CNBD1: variants seen among roughly 807,000 people sequenced by gnomAD.
CNBD1 encodes cyclic nucleotide binding domain containing 1, also known as cyclic nucleotide-binding domain-containing protein 1.
CNBD1 carries 71 observed loss-of-function variants against 54.4 expected under a neutral mutation model. The ratio of observed to expected loss-of-function variants is 1.30; its 90% CI spans 1.08 to 1.59. CNBD1 has a LOEUF of 1.59. Ranked by LOEUF, CNBD1 falls within the 40% of genes most tolerant of loss-of-function variation. The pLI, the probability that CNBD1 is intolerant of heterozygous loss-of-function variation, is 0.00. For synonymous variants in CNBD1, 182 were observed against 170.7 expected, an observed-to-expected ratio of 1.07 and a Z score of -0.51; for missense variants, 659 against 518.0, an observed-to-expected ratio of 1.27 and a Z score of -2.64.
At chr8:87,302,302 G>A (rs983333640) in intron 8 of CNBD1, among the ~76,000 whole-genome samples, 36 of 152,188 alleles carry the variant, frequency 2.4e-4, no homozygotes, top group African/African-American at 8.2e-4. Flanking sequence ...GATCAAGTGG[G>A]CTTCATCGCT....
Position 87,327,347 on chromosome 8 carries a change from C to G in CNBD1, c.1043-24338C>G, listed in dbSNP as rs13274733. On this transcript the variant is annotated intron_variant, in intron 8 of 10. Transcript: ENST00000518476. ...TGGGCTCCACCCAGTTCGAGCTTCCCGGCTGCTTTGTTTACCTAAGCAAGC... is the reference window on the plus strand; with the variant it reads ...TGGGCTCCACCCAGTTCGAGCTTCCGGGCTGCTTTGTTTACCTAAGCAAGC... Among the ~76,000 whole-genome samples the G allele has an allele frequency of 3.7e-3, 533 of 145,780 alleles. 3 individuals are homozygous for G. The highest frequency in any genetic ancestry group is 0.012 in the African/African-American group (477 of 39,244).
At chr8:86,930,521 A>G (rs1463778555) in intron 3 of CNBD1, among the ~76,000 whole-genome samples, 1 of 152,132 alleles carries the variant, frequency 6.6e-6, no homozygotes, top group Non-Finnish European at 1.5e-5. Context: ...CTGTCCACAT[A>G]AGTTGGGACA....
In CNBD1 at chr8:86,879,076, T is replaced by C. The variant is rs533571128; in HGVS notation, c.89-8466T>C. 2.0e-5 allele frequency among the ~76,000 whole-genome samples: 3 copies of C among 152,330 alleles called. No individual in the cohort carries two copies. The South Asian group carries it at 6.2e-4, about 32-fold the overall frequency. On this transcript the variant is annotated intron_variant, in intron 1 of 10. Transcript: ENST00000518476. ...CAGGGTGTTTTTAGATTTTTGAAAG[T>C]ATTCCTTTAATAACATTTTTACTTC...
intron 1 of CNBD1, among the ~76,000 whole-genome samples, chr8:86,873,897 A>G (rs1264736796): frequency 6.6e-6 from 1 of 152,160 alleles, no homozygotes; most frequent in Non-Finnish European, 1.5e-5. Flanking sequence ...TCATCCCCAT[A>G]TTTCAGTGTG....
At chr8:86,979,849 G>A (rs890143079) in intron 4 of CNBD1, among the ~76,000 whole-genome samples, 4 of 152,112 alleles carry the variant, frequency 2.6e-5, no homozygotes, top group Admixed American at 1.3e-4. Flanking sequence ...GTTTTATGAA[G>A]AAATGATGAT....
intron 10 of CNBD1, among the ~76,000 whole-genome samples, chr8:87,358,536 T>A (rs1229724313): frequency 6.6e-6 from 1 of 151,710 alleles, no homozygotes; most frequent in Non-Finnish European, 1.5e-5. Flanking sequence ...TAAAACAACA[T>A]TTCACACGTT....
intron 8 of CNBD1, among the ~76,000 whole-genome samples, chr8:87,318,509 C>A (rs562587494): frequency 6.6e-6 from 1 of 152,094 alleles, no homozygotes; most frequent in African/African-American, 2.4e-5. Context: ...GGAGCCCCTG[C>A]GTGCACATCA....
chr8:87,286,735 T>C, intron 8 of CNBD1, 64 bp downstream of exon 8: 1 of 1,081,818 alleles, frequency 9.2e-7, no homozygotes, highest in African/African-American at 1.6e-5. Flanking sequence ...ATTGAAATTC[T>C]TCATAGTTGT....
chr8:87,154,805 C>A (rs1476255567), intron 4 of CNBD1, among the ~76,000 whole-genome samples: 1 of 152,130 alleles, frequency 6.6e-6, no homozygotes, highest in African/African-American at 2.4e-5. Context: ...ATCATGAAGA[C>A]CTTGGTCTGC....
downstream of CNBD1, among the ~76,000 whole-genome samples, chr8:87,385,291 G>A (rs142422254): frequency 2.7e-3 from 410 of 152,224 alleles, 9 homozygotes; most frequent in East Asian, 0.018. Flanking sequence ...TGGGTGCAGC[G>A]CACCGAGTGT....
intron 4 of CNBD1, among the ~76,000 whole-genome samples, chr8:87,150,076 C>A (rs1322350715): frequency 6.6e-6 from 1 of 152,044 alleles, no homozygotes; most frequent in Non-Finnish European, 1.5e-5. Flanking sequence ...ACTGGGGAGT[C>A]TGAGGCAGGA....
chr8:87,254,642 T>A (rs1388233503), intron 6 of CNBD1, among the ~76,000 whole-genome samples: 1 of 152,142 alleles, frequency 6.6e-6, no homozygotes, highest in South Asian at 2.1e-4. Context: ...GAACCCTCAT[T>A]CATTATTGTT....
chr8:87,097,095 G>T (rs1342956657), intron 4 of CNBD1, among the ~76,000 whole-genome samples: 2 of 152,116 alleles, frequency 1.3e-5, no homozygotes, highest in South Asian at 2.1e-4. Flanking sequence ...AAATTAAAAG[G>T]TTTATTCAAC....
chr8:86,934,830 C>G (rs1011603833), intron 3 of CNBD1, among the ~76,000 whole-genome samples: 3 of 152,020 alleles, frequency 2.0e-5, no homozygotes, highest in African/African-American at 7.2e-5. Context: ...AAAATTATCC[C>G]TGGATTTAGT....
At chr8:87,264,373 C>T (rs918548926) in intron 6 of CNBD1, among the ~76,000 whole-genome samples, 1 of 152,086 alleles carries the variant, frequency 6.6e-6, no homozygotes, top group African/African-American at 2.4e-5. Context: ...GTATATGTGC[C>T]ACATTTTCTT....
intron 4 of CNBD1, among the ~76,000 whole-genome samples, chr8:87,169,480 C>A (rs1406172230): frequency 1.3e-5 from 2 of 151,976 alleles, no homozygotes; most frequent in Non-Finnish European, 2.9e-5. Flanking sequence ...GAAATCTTCG[C>A]CCACCCTAAC....
intron 4 of CNBD1, among the ~76,000 whole-genome samples, chr8:86,950,292 A>G (rs769265735): frequency 6.6e-6 from 1 of 150,988 alleles, no homozygotes; most frequent in Non-Finnish European, 1.5e-5. Flanking sequence ...CTGGTCTTGA[A>G]CTCCTCACCT....
intron 4 of CNBD1, among the ~76,000 whole-genome samples, chr8:87,052,879 G>A (rs1241855106): frequency 1.3e-5 from 2 of 152,120 alleles, no homozygotes; most frequent in Admixed American, 1.3e-4. Flanking sequence ...CTAAGTTCTT[G>A]TAGTAAAAAG....
At chr8:87,263,042 AG>A (rs1202333879) in intron 6 of CNBD1, among the ~76,000 whole-genome samples, 10 of 152,134 alleles carry the variant, frequency 6.6e-5, no homozygotes, top group Non-Finnish European at 5.9e-5. Flanking sequence ...AGAGCTGAGG[AG>A]AGACTTCCTA....
Sources: gnomAD v4.1 joint callset for allele counts (sites outside exome capture counted in the v4.1 genomes callset) on GRCh38, gnomAD v4.1.1 for gene constraint, MANE v1.5 for transcripts, NCBI Gene and HGNC (gene_info 2026-07-23, HGNC 2026-07-21) for gene names.